LAMA2: variants seen among roughly 807,000 people sequenced by gnomAD.
LAMA2 encodes laminin subunit alpha 2, also known as laminin subunit alpha-2.
LAMA2 carries 269 observed loss-of-function variants against 364.8 expected under a neutral mutation model. The ratio of observed to expected loss-of-function variants is 0.74; its 90% confidence interval spans 0.67 to 0.82. The LOEUF (loss-of-function observed/expected upper bound fraction) is 0.82, where lower values mean the gene tolerates loss of function less well. Among genes scored for constraint, LAMA2 ranks in the 40% least tolerant of loss-of-function variants. The pLI is 0.00. For synonymous variants in LAMA2, 1,379 were observed against 1,370.6 expected (o/e 1.01, Z -0.14); for missense variants, 3,807 against 3,873.2 (o/e 0.98, Z 0.45).
intron 1 of LAMA2, among the ~76,000 whole-genome samples, chr6:128,967,151 GCAGA>G (rs1345104382): frequency 6.6e-6 from 1 of 152,176 alleles, no homozygotes; most frequent in Non-Finnish European, 1.5e-5. Flanking sequence ...TAGGCTCTTT[GCAGA>G]CAGAGAGCAG....
chr6:129,128,779 T>A (rs944885503), intron 4 of LAMA2, among the ~76,000 whole-genome samples: 10 of 152,236 alleles, frequency 6.6e-5, no homozygotes, highest in Admixed American at 5.2e-4. Flanking sequence ...TGGGATTTTT[T>A]AACTCCAAGT....
At chr6:129,355,339 C>T (rs188855755) in intron 32 of LAMA2, among the ~76,000 whole-genome samples, 21 of 152,188 alleles carry the variant, frequency 1.4e-4, no homozygotes, top group African/African-American at 4.3e-4. Context: ...AAATTTCTCC[C>T]GTTATGGAAA....
chr6:129,403,910 A>T lies in LAMA2; in HGVS notation c.5816A>T (p.Glu1939Val), dbSNP rs1780110987. Residue 1939 changes from glutamate (E) to valine (V), a missense_variant, in exon 40 of 65, where the codon GAG becomes GTG. Glu to Val is a moderately radical substitution (Grantham distance 121, BLOSUM62 -2). Around this residue, in one of 3 missense-constraint regions of LAMA2, gnomAD observed 3,333 missense variants for 3,345.7 expected, o/e 1.00. Coordinates refer to ENST00000421865, the MANE Select transcript of LAMA2 (RefSeq NM_000426.4). ...SNIKDYIDEA[E>V]KVAKEAKDLA... ...ATTAAGGACTATATTGATGAAGCTG[A>T]GAAAGTTGCCAAAGAAGCCAAAGAT... The T allele has an allele frequency of 6.2e-7, 1 of 1,613,882 alleles. No individual in the cohort carries two copies. Among genetic ancestry groups the T allele is most frequent in the African/African-American group, 1.3e-5 (1 of 74,936 alleles).
At chr6:128,907,618 C>T (rs1387984080) in intron 1 of LAMA2, among the ~76,000 whole-genome samples, 1 of 151,996 alleles carries the variant, frequency 6.6e-6, no homozygotes, top group Non-Finnish European at 1.5e-5. Context: ...TAATTGAATA[C>T]CCTTTATTTC....
At chr6:129,458,100 G>T (rs1326948021) in intron 48 of LAMA2, among the ~76,000 whole-genome samples, 2 of 152,088 alleles carry the variant, frequency 1.3e-5, no homozygotes, top group African/African-American at 4.8e-5. Context: ...ATCTGAAGAA[G>T]AGAGATGTTA....
intron 8 of LAMA2, among the ~76,000 whole-genome samples, chr6:129,157,131 C>A (rs1779160353): frequency 1.3e-5 from 2 of 152,124 alleles, no homozygotes; most frequent in Admixed American, 1.3e-4. Context: ...AAGGCAAAGT[C>A]TATTTCTCCA....
chr6:129,257,799 AAC>A (rs1327802726), intron 14 of LAMA2, among the ~76,000 whole-genome samples: 1 of 152,228 alleles, frequency 6.6e-6, no homozygotes, highest in Admixed American at 6.5e-5. Flanking sequence ...TTCTAATGAT[AAC>A]AGTTTCCATT....
chr6:129,301,933 C>T (rs965809874), intron 22 of LAMA2, among the ~76,000 whole-genome samples: 1 of 152,030 alleles, frequency 6.6e-6, no homozygotes, highest in Non-Finnish European at 1.5e-5. Flanking sequence ...TGGCTTCCTT[C>T]ACTTGGTGTT....
intron 1 of LAMA2, among the ~76,000 whole-genome samples, chr6:128,987,127 TTTTTTTTTTTTTG>T (rs1261156011): frequency 1.2e-4 from 7 of 56,256 alleles, no homozygotes; most frequent in East Asian, 5.0e-4. Flanking sequence ...GGATAGTTTG[TTTTTTTTTTTTTG>T]TTTTTTTTTT....
chr6:129,514,276 G>T, intron 63 of LAMA2, 97 bp from the exon 64 acceptor site: 1 of 906,410 alleles, frequency 1.1e-6, no homozygotes, highest in Middle Eastern at 2.1e-4. Context: ...GATTCTGGCT[G>T]ATGTCTTTCC....
At chr6:129,312,818 C>A in intron 22 of LAMA2, 43 bp from the exon 23 acceptor site, 1 of 1,324,136 alleles carries the variant, frequency 7.6e-7, no homozygotes. Flanking sequence ...AGATATTTCC[C>A]ATAAAGTTGT....
rs6914113 is a variant in LAMA2 at position 129,306,974 on chromosome 6, A to G, written c.3175-5887A>G. On this transcript the variant is annotated intron_variant, in intron 22 of 64. Coordinates refer to ENST00000421865, the MANE Select transcript of LAMA2 (RefSeq NM_000426.4). The stretch of plus-strand genomic sequence containing the variant: ...GACTTTTCTCCTGTTTCTGAGTCAT[A>G]TTTTCTTGATTCTTTACATGCCTGA... Among the ~76,000 whole-genome samples the G allele has an allele frequency of 7.8e-3, 1,193 of 152,002 alleles. 17 individuals carry two copies. The highest frequency in any genetic ancestry group is 0.027 in the African/African-American group (1,125 of 41,452).
chr6:129,059,005 C>G (rs1788689463), intron 2 of LAMA2, among the ~76,000 whole-genome samples: 1 of 152,190 alleles, frequency 6.6e-6, no homozygotes, highest in Non-Finnish European at 1.5e-5. Context: ...TAACAAAAGT[C>G]TGTTCAGGTG....
intron 33 of LAMA2, among the ~76,000 whole-genome samples, chr6:129,367,716 A>G (rs1777853853): frequency 6.6e-6 from 1 of 152,248 alleles, no homozygotes; most frequent in South Asian, 2.1e-4. Context: ...GAAACCAATA[A>G]TGATGATAAC....
At chr6:128,990,261 A>C (rs1331710887) in intron 1 of LAMA2, among the ~76,000 whole-genome samples, 1 of 152,158 alleles carries the variant, frequency 6.6e-6, no homozygotes, top group East Asian at 1.9e-4. Flanking sequence ...TTTTGTATTT[A>C]CTATTGGTTT....
chr6:129,095,302 T>C (rs894919807), intron 3 of LAMA2, among the ~76,000 whole-genome samples: 3 of 152,198 alleles, frequency 2.0e-5, no homozygotes, highest in Admixed American at 6.5e-5. Flanking sequence ...ATTTGTAGCA[T>C]TCTGTGTTTG....
intron 4 of LAMA2, among the ~76,000 whole-genome samples, chr6:129,099,945 G>A (rs548351200): frequency 1.3e-5 from 2 of 152,266 alleles, no homozygotes; most frequent in East Asian, 1.9e-4. Flanking sequence ...ATGGGAGTAG[G>A]GAGTGCAGAA....
intron 29 of LAMA2, among the ~76,000 whole-genome samples, chr6:129,333,771 C>G (rs1013185082): frequency 6.6e-6 from 1 of 152,106 alleles, no homozygotes; most frequent in East Asian, 1.9e-4. Context: ...ATTTTTAGCA[C>G]AGTTATATTT....
At chr6:129,246,513 A>C (rs1198105147) in intron 12 of LAMA2, among the ~76,000 whole-genome samples, 1 of 152,236 alleles carries the variant, frequency 6.6e-6, no homozygotes, top group East Asian at 1.9e-4. Flanking sequence ...CAGTTTGTGA[A>C]CACAGGGGTA....
Sources: gnomAD v4.1 joint callset for allele counts (sites outside exome capture counted in the v4.1 genomes callset) on GRCh38, gnomAD v4.1.1 for gene constraint, gnomAD v4.1.1 regional missense constraint, MANE v1.5 for transcripts, NCBI Gene and HGNC (gene_info 2026-07-23, HGNC 2026-07-21) for gene names.